The following GFRA2 variants were observed in gnomAD, a reference collection of about 807,000 sequenced individuals.
The protein encoded by GFRA2 is GDNF family receptor alpha-2.
Under a neutral mutation model 48.3 loss-of-function variants are expected in GFRA2, and 17 were observed. The observed-to-expected ratio is 0.35, with a 90% CI of 0.24 to 0.53. GFRA2 has a LOEUF of 0.53. Among genes scored for constraint, GFRA2 ranks in the 20% least tolerant of loss-of-function variants. The pLI, the probability that GFRA2 is intolerant of heterozygous loss-of-function variation, is 0.93. For synonymous variants in GFRA2, 305 were observed against 257.2 expected (o/e 1.19, Z -1.78); for missense variants, 660 against 637.3 (o/e 1.04, Z -0.38).
At chr8:21,738,885 G>A (rs577943212) in intron 4 of GFRA2, among the ~76,000 whole-genome samples, 62 of 152,328 alleles carry the variant, frequency 4.1e-4, no homozygotes, top group Admixed American at 3.7e-3. Context: ...AGAGCTCCAC[G>A]AAAGGCCTCC....
At chr8:21,739,253 G>A (rs1292805673) in intron 4 of GFRA2, among the ~76,000 whole-genome samples, 1 of 152,030 alleles carries the variant, frequency 6.6e-6, no homozygotes, top group Non-Finnish European at 1.5e-5. Flanking sequence ...GCTCTAAGCA[G>A]GAGGATGCCA....
chr8:21,791,560 C>A (rs1257615055), upstream of GFRA2, among the ~76,000 whole-genome samples: 2 of 152,162 alleles, frequency 1.3e-5, no homozygotes, highest in African/African-American at 2.4e-5. Flanking sequence ...TGCCTTGTGC[C>A]GGGATCTACA....
At chr8:21,738,578 T>C (rs1585278027) in intron 4 of GFRA2, among the ~76,000 whole-genome samples, 1 of 152,170 alleles carries the variant, frequency 6.6e-6, no homozygotes, top group African/African-American at 2.4e-5. Context: ...CTGGGGAAAA[T>C]CAGACTCCCT....
intron 3 of GFRA2, among the ~76,000 whole-genome samples, chr8:21,762,349 TC>T (rs1396267114): frequency 6.6e-6 from 1 of 152,126 alleles, no homozygotes; most frequent in Non-Finnish European, 1.5e-5. Flanking sequence ...AGCCCAAGGA[TC>T]CAATGGGACC....
intron 4 of GFRA2, among the ~76,000 whole-genome samples, chr8:21,727,079 C>T (rs1803907221): frequency 6.6e-6 from 1 of 152,164 alleles, no homozygotes; most frequent in Admixed American, 6.5e-5. Flanking sequence ...ACAAAGGCCA[C>T]ATTCTGAAGT....
intron 7 of GFRA2, among the ~76,000 whole-genome samples, chr8:21,694,872 A>T (rs1300356724): frequency 6.6e-6 from 1 of 152,252 alleles, no homozygotes; most frequent in Non-Finnish European, 1.5e-5. Flanking sequence ...TGTCTGGTTC[A>T]TAACAACAAC....
Position 21,704,969 on chromosome 8 carries a change from A to C in GFRA2, c.1045+16T>G, listed in dbSNP as rs745614308. ...GGGAGGGGCTGCTGGGGTTGGGGAG[A>C]ACATCCAGAACTTACGGAGGCATGG... On this transcript the variant is annotated intron_variant, in intron 6 of 8. Transcript: ENST00000524240. 4 of 1,600,692 alleles carry C rather than the reference A, an allele frequency of 2.5e-6. No individual in the cohort carries two copies. Among genetic ancestry groups the C allele is most frequent in the Admixed American group, 3.4e-5 (2 of 59,626 alleles).
intron 4 of GFRA2, among the ~76,000 whole-genome samples, chr8:21,712,439 T>C: frequency 6.9e-6 from 1 of 145,480 alleles, no homozygotes; most frequent in African/African-American, 2.6e-5. Flanking sequence ...CCTCACTTCC[T>C]AGATGGGATG....
At position 21,744,550 on chromosome 8, in the gene GFRA2, A is replaced by AACACACACACACACACACAC. The variant is rs71721911; in HGVS notation, c.794+6018_794+6037dup. Among the ~76,000 whole-genome samples, 964 of 140,198 alleles carry AACACACACACACACACACAC rather than the reference A, an allele frequency of 6.9e-3. 31 individuals are homozygous for AACACACACACACACACACAC. The highest frequency in any genetic ancestry group is 0.025 in the African/African-American group (880 of 34,614). The allele number at this position is 140,198 out of a possible 152,430, so 92.0% of individuals were successfully genotyped here. A position where few individuals can be genotyped will look rare whatever the true frequency, so the allele number is the denominator to read the frequency against. On this transcript the variant is annotated intron_variant, in intron 4 of 8. Transcript: ENST00000524240. ...CTCCCACGACCCCCCAACCACCACC[A>AACACACACACACACACACAC]ACACACACACACACACACACACACA...
At chr8:21,752,941 C>T (rs1805370586) in intron 3 of GFRA2, among the ~76,000 whole-genome samples, 1 of 152,182 alleles carries the variant, frequency 6.6e-6, no homozygotes, top group South Asian at 2.1e-4. Flanking sequence ...TGGATCTGAG[C>T]CACCGACACT....
chr8:21,706,234 G>T (rs561884814), intron 4 of GFRA2, among the ~76,000 whole-genome samples, 193 bp from the exon 5 acceptor site: 1 of 152,166 alleles, frequency 6.6e-6, no homozygotes, highest in African/African-American at 2.4e-5. Flanking sequence ...TGAGGACAGA[G>T]ACTTCCCGGA....
chr8:21,752,482 C>A (rs765116030), intron 3 of GFRA2, among the ~76,000 whole-genome samples: 1 of 152,106 alleles, frequency 6.6e-6, no homozygotes, highest in South Asian at 2.1e-4. Context: ...TCCTCCTCAG[C>A]CTGCTTTGCT....
intron 3 of GFRA2, among the ~76,000 whole-genome samples, chr8:21,757,437 C>T (rs1344007548): frequency 2.0e-5 from 3 of 151,868 alleles, no homozygotes; most frequent in Non-Finnish European, 4.4e-5. Context: ...TTCCCTATCT[C>T]GTTTTGGTCA....
chr8:21,714,389 T>C (rs1803230764), intron 4 of GFRA2, among the ~76,000 whole-genome samples: 1 of 151,618 alleles, frequency 6.6e-6, no homozygotes, highest in Non-Finnish European at 1.5e-5. Context: ...GCTGGAATTA[T>C]AGGTATGCAC....
intron 8 of GFRA2, 74 bp from the exon 9 acceptor site, chr8:21,693,474 C>G (rs1166174336): frequency 7.0e-6 from 10 of 1,427,486 alleles, no homozygotes; most frequent in Non-Finnish European, 9.5e-6. Context: ...GGCCTGGGAC[C>G]CGGCAGAGAA....
At chr8:21,807,516 T>G (rs971442557) in intron 1 of GFRA2, among the ~76,000 whole-genome samples, 3 of 152,282 alleles carry the variant, frequency 2.0e-5, no homozygotes, top group Non-Finnish European at 4.4e-5. Context: ...GTAAACTGGG[T>G]AGCTTAAATG....
chr8:21,710,004 G>T (rs543462049), intron 4 of GFRA2, among the ~76,000 whole-genome samples: 1 of 152,208 alleles, frequency 6.6e-6, no homozygotes, highest in African/African-American at 2.4e-5. Flanking sequence ...AGCCAGCCAG[G>T]AAACAGAAGG....
intron 4 of GFRA2, among the ~76,000 whole-genome samples, chr8:21,714,312 A>C (rs1473149572): frequency 7.6e-6 from 1 of 130,982 alleles, no homozygotes; most frequent in African/African-American, 2.9e-5. Flanking sequence ...GCAGTGGCAC[A>C]ATCTTGGCTC....
chr8:21,766,857 C>A (rs1480526099), intron 3 of GFRA2, among the ~76,000 whole-genome samples: 1 of 143,258 alleles, frequency 7.0e-6, no homozygotes, highest in African/African-American at 2.7e-5. Context: ...CTATGCACAC[C>A]CTGTCCCACA....
Sources: allele counts gnomAD v4.1 joint callset (sites outside exome capture counted in the v4.1 genomes callset), GRCh38; gene constraint gnomAD v4.1.1; transcripts MANE v1.5; gene names NCBI Gene and HGNC (gene_info 2026-07-23, HGNC 2026-07-21).